The following IQGAP2 variants were observed in gnomAD, a reference collection of about 807,000 sequenced individuals.
IQGAP2 encodes ras GTPase-activating-like protein IQGAP2.
A neutral mutation model predicts 201.3 loss-of-function variants in IQGAP2; 173 were observed. The ratio of observed to expected loss-of-function variants is 0.86; its 90% CI spans 0.76 to 0.98. The LOEUF (loss-of-function observed/expected upper bound fraction) is 0.98, where lower values mean the gene tolerates loss of function less well. IQGAP2 is among the 50% of genes least tolerant of loss of function. The pLI, the probability that IQGAP2 is intolerant of heterozygous loss-of-function variation, is 0.00. For missense variants in IQGAP2, 1,687 were observed against 1,864.8 expected (o/e 0.90, Z 1.76); for synonymous variants, 675 against 673.9 (o/e 1.00, Z -0.03).
In IQGAP2 at chr5:76,671,973, G is replaced by A. The variant is rs755630641; in HGVS notation, c.3058G>A (p.Gly1020Arg). Residue 1020 changes from glycine to arginine, a missense_variant, in exon 24 of 36, where the codon GGA becomes AGA. By Grantham distance (125) the Gly-to-Arg change is moderately radical (BLOSUM62 -2). Coordinates refer to ENST00000274364, the MANE Select transcript of IQGAP2 (RefSeq NM_006633.5). The part of the protein sequence containing the change: ...AWVNQLETQT[G>R]EASKLPYDVT... ...GGTGAACCAACTAGAAACACAGACT[G>A]GAGAGGCCAGGTAATAGAATCAGGA... is the stretch of plus-strand genomic sequence containing the variant. The A allele has an allele frequency of 1.2e-6, 2 of 1,609,780 alleles. No individual in the cohort carries two copies. Among genetic ancestry groups the A allele is most frequent in the African/African-American group, 1.3e-5 (1 of 74,976 alleles).
At chr5:76,498,920 C>T (rs1486846141) in intron 2 of IQGAP2, among the ~76,000 whole-genome samples, 1 of 152,104 alleles carries the variant, frequency 6.6e-6, no homozygotes, top group African/African-American at 2.4e-5. Context: ...AGAGTTGTTA[C>T]GGGGTGGGAT....
At chr5:76,532,021 C>T (rs975526539) in intron 2 of IQGAP2, among the ~76,000 whole-genome samples, 4 of 152,224 alleles carry the variant, frequency 2.6e-5, no homozygotes, top group African/African-American at 9.6e-5. Flanking sequence ...GAGGGCTCCA[C>T]CCTCATGGCC....
intron 16 of IQGAP2, among the ~76,000 whole-genome samples, chr5:76,638,921 G>A (rs1197735135): frequency 6.6e-6 from 1 of 152,172 alleles, no homozygotes; most frequent in East Asian, 1.9e-4. Flanking sequence ...AGAAACAGGA[G>A]GGGGTAAAGT....
At chr5:76,535,418 A>G (rs905041446) in intron 2 of IQGAP2, among the ~76,000 whole-genome samples, 1 of 152,130 alleles carries the variant, frequency 6.6e-6, no homozygotes, top group Non-Finnish European at 1.5e-5. Flanking sequence ...TCACAAAAAA[A>G]TTTTTTTTAA....
At chr5:76,670,134 T>C (rs764112446) in intron 23 of IQGAP2, among the ~76,000 whole-genome samples, 1 of 152,122 alleles carries the variant, frequency 6.6e-6, no homozygotes, top group African/African-American at 2.4e-5. Flanking sequence ...TGGGTTTTGG[T>C]TGGGCTCTGG....
intron 27 of IQGAP2, among the ~76,000 whole-genome samples, chr5:76,676,265 C>G (rs1267981332): frequency 6.6e-6 from 1 of 152,192 alleles, no homozygotes; most frequent in African/African-American, 2.4e-5. Context: ...CTTTCTTCCA[C>G]TCATATTTAT....
chr5:76,482,018 T>A (rs1315844803), intron 2 of IQGAP2, among the ~76,000 whole-genome samples: 1 of 152,220 alleles, frequency 6.6e-6, no homozygotes, highest in Non-Finnish European at 1.5e-5. Context: ...ACTTAACTTT[T>A]TTCTCCCTTA....
At chr5:76,586,993 G>C (rs1746292883) in intron 5 of IQGAP2, among the ~76,000 whole-genome samples, 1 of 152,152 alleles carries the variant, frequency 6.6e-6, no homozygotes, top group South Asian at 2.1e-4. Context: ...GAACATACCA[G>C]TTATAAAAGT....
chr5:76,683,284 C>T (rs890675526), intron 29 of IQGAP2, 67 bp downstream of exon 29: 17 of 1,045,610 alleles, frequency 1.6e-5, no homozygotes, highest in Admixed American at 4.4e-5. Context: ...TTGGTTGGTT[C>T]GTTGGTTTTC....
chr5:76,501,750 C>T (rs1474462571), intron 2 of IQGAP2, among the ~76,000 whole-genome samples: 4 of 148,916 alleles, frequency 2.7e-5, no homozygotes, highest in Non-Finnish European at 5.9e-5. Flanking sequence ...TCAAGTGATT[C>T]TCCTGCCTCA....
Position 76,558,755 on chromosome 5 carries a change from T to A in IQGAP2, c.147-3641T>A, listed in dbSNP as rs74442978. 6.1e-3 allele frequency among the ~76,000 whole-genome samples: 926 copies of A among 152,250 alleles called. 17 individuals are homozygous for A. The highest frequency in any genetic ancestry group is 0.021 in the African/African-American group (889 of 41,536). On this transcript the variant is annotated intron_variant, in intron 2 of 35. Transcript: ENST00000274364. ...ACCAAATTCTTATCACCAACACCCC[T>A]CCTTTAGCAGAGGAGAGAAACTGAA...
At chr5:76,512,236 A>C (rs1420947179) in intron 2 of IQGAP2, among the ~76,000 whole-genome samples, 1 of 152,244 alleles carries the variant, frequency 6.6e-6, no homozygotes, top group Non-Finnish European at 1.5e-5. Context: ...AAGAGGGTCC[A>C]GAATCCTATC....
chr5:76,621,099 C>T (rs150999139), intron 13 of IQGAP2, among the ~76,000 whole-genome samples: 143 of 152,286 alleles, frequency 9.4e-4, no homozygotes, highest in African/African-American at 3.4e-3. Flanking sequence ...TATGTCTTGT[C>T]CCATGGCCTC....
chr5:76,484,225 T>G (rs1428618900), intron 2 of IQGAP2, among the ~76,000 whole-genome samples: 3 of 152,146 alleles, frequency 2.0e-5, no homozygotes, highest in African/African-American at 7.2e-5. Context: ...AAATAGAGCA[T>G]GTAATTTCAT....
In IQGAP2 at chr5:76,403,554, C is replaced by A. The variant is rs1439755496; in HGVS notation, c.9C>A (p.His3Gln). 5 of 1,533,742 alleles carry A rather than the reference C, an allele frequency of 3.3e-6. No homozygotes were observed. In the South Asian group the frequency reaches 6.1e-5, roughly 19 times the overall value. The change falls in exon 1 of 36, where the codon CAC becomes CAA. Residue 3 changes from histidine to glutamine, a missense_variant. Transcript: ENST00000274364. The surrounding 1 kb of genome is among the most constrained non-coding windows in gnomAD (Gnocchi z 4.8). Reference protein sequence around the residue: MPHEELPSLQRPR... With the variant: MPQEELPSLQRPR... ...CCCCGGAGACGCGCAGGATGCCACA[C>A]GAAGAGCTGCCGTCGCTGCAGAGAC...
At chr5:76,697,234 C>A (rs955209431) in intron 32 of IQGAP2, among the ~76,000 whole-genome samples, 1 of 152,040 alleles carries the variant, frequency 6.6e-6, no homozygotes. Context: ...TTTTTCAAAC[C>A]TTGGGAAATA....
Position 76,611,158 on chromosome 5 carries a change from A to G in IQGAP2, c.1496A>G (p.Tyr499Cys). The G allele has an allele frequency of 3.1e-6, 5 of 1,612,258 alleles. No homozygotes were observed. Among genetic ancestry groups the G allele is most frequent in the Non-Finnish European group, 4.2e-6 (5 of 1,179,514 alleles). Residue 499 changes from tyrosine (Y) to cysteine (C), a missense_variant, in exon 13 of 36, where the codon TAC (tyrosine) becomes TGC (cysteine). Transcript: ENST00000274364. ...AHAQHYQDVL[Y>C]HAKSQKLGDS... The stretch of plus-strand genomic sequence containing the variant: ...GCCCAGCACTACCAGGATGTTTTAT[A>G]CCATGCTAAATCACAGAAACTCGGA...
At chr5:76,411,627 G>A (rs1173871773) in intron 1 of IQGAP2, among the ~76,000 whole-genome samples, 2 of 152,100 alleles carry the variant, frequency 1.3e-5, no homozygotes, top group Non-Finnish European at 2.9e-5. Context: ...TCACCCATGC[G>A]ATGCCTTTTG....
At chr5:76,444,776 A>T (rs1443859222) in intron 1 of IQGAP2, among the ~76,000 whole-genome samples, 1 of 152,242 alleles carries the variant, frequency 6.6e-6, no homozygotes, top group African/African-American at 2.4e-5. Flanking sequence ...TGACTTGCTC[A>T]AGATGGTTCC....
Sources: gnomAD v4.1 joint callset for allele counts (sites outside exome capture counted in the v4.1 genomes callset) on GRCh38, gnomAD v4.1.1 for gene constraint, Gnocchi (gnomAD v3.1) non-coding constraint, MANE v1.5 for transcripts, NCBI Gene and HGNC (gene_info 2026-07-23, HGNC 2026-07-21) for gene names.